The following MAN1A1 variants were observed in gnomAD, a reference collection of about 807,000 sequenced individuals.
The protein encoded by MAN1A1 is mannosidase alpha class 1A member 1.
MAN1A1 carries 29 observed loss-of-function variants against 70.8 expected under a neutral mutation model. That is an observed-to-expected ratio of 0.41 (90% CI 0.31 to 0.56). The LOEUF (loss-of-function observed/expected upper bound fraction) is 0.56, where lower values mean the gene tolerates loss of function less well. MAN1A1 is among the 20% of genes least tolerant of loss of function. The probability of loss-of-function intolerance (pLI) is 0.29; values close to 1 mark genes in which losing one functional copy is unlikely to be tolerated. For missense variants in MAN1A1, 747 were observed against 841.3 expected, an observed-to-expected ratio of 0.89 and a Z score of 1.39; for synonymous variants, 349 against 330.1, an observed-to-expected ratio of 1.06 and a Z score of -0.62.
chr6:119,309,494 T>G (rs1772643300), intron 2 of MAN1A1, among the ~76,000 whole-genome samples: 1 of 152,162 alleles, frequency 6.6e-6, no homozygotes, highest in African/African-American at 2.4e-5. Flanking sequence ...TTCTAAAAGT[T>G]AACTACTAAC....
At chr6:119,302,739 T>A (rs1404423649) in intron 3 of MAN1A1, among the ~76,000 whole-genome samples, 1 of 152,168 alleles carries the variant, frequency 6.6e-6, no homozygotes, top group African/African-American at 2.4e-5. Flanking sequence ...AACAGACTTT[T>A]TAAGACTGAT....
intron 6 of MAN1A1, among the ~76,000 whole-genome samples, chr6:119,223,651 C>G (rs981709112): frequency 6.6e-6 from 1 of 151,968 alleles, no homozygotes; most frequent in Non-Finnish European, 1.5e-5. Flanking sequence ...GTTTGGATAT[C>G]TAAAAACGGG....
chr6:119,209,732 C>T (rs1773990199), intron 6 of MAN1A1, among the ~76,000 whole-genome samples: 1 of 152,178 alleles, frequency 6.6e-6, no homozygotes, highest in Admixed American at 6.5e-5. Context: ...CAGTGCTGAT[C>T]TTTCAAATTT....
intron 4 of MAN1A1, among the ~76,000 whole-genome samples, chr6:119,293,820 A>G (rs930612866): frequency 6.6e-6 from 1 of 152,106 alleles, no homozygotes; most frequent in African/African-American, 2.4e-5. Context: ...GCTATCCTGC[A>G]GAAATCAGAA....
At chr6:119,258,524 C>A (rs1342344777) in intron 5 of MAN1A1, among the ~76,000 whole-genome samples, 1 of 152,068 alleles carries the variant, frequency 6.6e-6, no homozygotes, top group Non-Finnish European at 1.5e-5. Context: ...ATGTTATATG[C>A]AAATACTGTA....
chr6:119,243,737 G>A (rs758836445), intron 6 of MAN1A1, among the ~76,000 whole-genome samples: 19 of 151,918 alleles, frequency 1.3e-4, no homozygotes, highest in Non-Finnish European at 2.1e-4. Flanking sequence ...CAATGACATC[G>A]TATGTATTTT....
At chr6:119,303,788 T>C (rs1439482729) in intron 3 of MAN1A1, among the ~76,000 whole-genome samples, 2 of 152,160 alleles carry the variant, frequency 1.3e-5, no homozygotes, top group African/African-American at 4.8e-5. Flanking sequence ...GAACAAGACA[T>C]GCAGATCTTA....
At chr6:119,317,506 T>G (rs1438051699) in intron 2 of MAN1A1, among the ~76,000 whole-genome samples, 1 of 152,228 alleles carries the variant, frequency 6.6e-6, no homozygotes, top group African/African-American at 2.4e-5. Flanking sequence ...GTTACTTCTT[T>G]CACTTAGCAA....
intron 5 of MAN1A1, among the ~76,000 whole-genome samples, chr6:119,255,683 G>C (rs1775438016): frequency 6.6e-6 from 1 of 152,194 alleles, no homozygotes; most frequent in Admixed American, 6.5e-5. Context: ...TAAATGCTCT[G>C]ATGTGGGATG....
chr6:119,346,033 G>A (rs1472987710), intron 2 of MAN1A1, among the ~76,000 whole-genome samples: 1 of 152,164 alleles, frequency 6.6e-6, no homozygotes, highest in Non-Finnish European at 1.5e-5. Flanking sequence ...TTGAACCCAG[G>A]AGGCAGAGGT....
chr6:119,252,394 C>G (rs1277117453), intron 5 of MAN1A1, among the ~76,000 whole-genome samples: 1 of 152,158 alleles, frequency 6.6e-6, no homozygotes, highest in African/African-American at 2.4e-5. Context: ...GAGTGATTTT[C>G]TTATTTGAGT....
intron 8 of MAN1A1, among the ~76,000 whole-genome samples, chr6:119,198,187 G>A (rs1440672479): frequency 3.3e-5 from 5 of 152,180 alleles, no homozygotes; most frequent in Admixed American, 6.5e-5. Flanking sequence ...TCAGGAGTTC[G>A]AGACCAGCCT....
chr6:119,292,916 T>G (rs1022869), intron 4 of MAN1A1, among the ~76,000 whole-genome samples: 50,294 of 151,768 alleles, frequency 0.33, 8,781 homozygotes, highest in Non-Finnish European at 0.36. Flanking sequence ...AACCCATGTA[T>G]TTAGTTTGGT....
At chr6:119,228,454 G>A (rs1341679196) in intron 6 of MAN1A1, among the ~76,000 whole-genome samples, 1 of 152,016 alleles carries the variant, frequency 6.6e-6, no homozygotes, top group Non-Finnish European at 1.5e-5. Context: ...TTTTCACTGA[G>A]AAACTCAACC....
chr6:119,343,457 G>A (rs1011681102), intron 2 of MAN1A1, among the ~76,000 whole-genome samples: 2 of 152,018 alleles, frequency 1.3e-5, no homozygotes, highest in Non-Finnish European at 2.9e-5. Flanking sequence ...AATACCTTAC[G>A]ACTCGGAGCA....
chr6:119,328,013 A>AG (rs1773200931), intron 2 of MAN1A1, among the ~76,000 whole-genome samples: 2 of 152,210 alleles, frequency 1.3e-5, no homozygotes, highest in Non-Finnish European at 2.9e-5. Flanking sequence ...GCCAGAGAAG[A>AG]GCCTGGGCCA....
chr6:119,272,769 T>G (rs775075755), intron 5 of MAN1A1, among the ~76,000 whole-genome samples: 9 of 152,186 alleles, frequency 5.9e-5, no homozygotes, highest in Non-Finnish European at 8.8e-5. Context: ...GGAGAAATCT[T>G]GTTACTATCA....
rs529865729 is a variant in MAN1A1 at position 119,348,426 on chromosome 6, G to A, written c.603+37C>T. ...CTTGCCGTTTCTCCCTGAAAAACACGGCCGGTCGGGAGGGATTTCTGGCGC... is the reference window on the plus strand; with the variant it reads ...CTTGCCGTTTCTCCCTGAAAAACACAGCCGGTCGGGAGGGATTTCTGGCGC... On this transcript the variant is annotated intron_variant, in intron 2 of 12. Coordinates refer to ENST00000368468, the MANE Select transcript of MAN1A1 (RefSeq NM_005907.4). The A allele has an allele frequency of 4.6e-6, 7 of 1,510,068 alleles. No individual in the cohort carries two copies. The Admixed American group carries it at 1.3e-4, about 29-fold the overall frequency. The allele number at this position is 1,510,068 out of a possible 1,614,324, so 93.5% of individuals were successfully genotyped here.
intron 5 of MAN1A1, among the ~76,000 whole-genome samples, chr6:119,276,858 T>A (rs1363117950): frequency 6.6e-6 from 1 of 152,168 alleles, no homozygotes. Flanking sequence ...TTTATAAAAC[T>A]AAGATGACAA....
Sources: allele counts gnomAD v4.1 joint callset (sites outside exome capture counted in the v4.1 genomes callset), GRCh38; gene constraint gnomAD v4.1.1; transcripts MANE v1.5; gene names NCBI Gene and HGNC (gene_info 2026-07-23, HGNC 2026-07-21).